PDK2: variants seen among roughly 807,000 people sequenced by gnomAD.
PDK2 encodes the protein pyruvate dehydrogenase kinase 2, also known as pyruvate dehydrogenase kinase, isozyme 2.
A neutral mutation model predicts 50.4 loss-of-function variants in PDK2; 34 were observed. The observed-to-expected ratio is 0.68, with a 90% CI of 0.51 to 0.90. PDK2 has a LOEUF of 0.90. Among genes scored for constraint, PDK2 ranks in the 40% least tolerant of loss-of-function variants. The probability of loss-of-function intolerance (pLI) is 0.00; values close to 1 mark genes in which losing one functional copy is unlikely to be tolerated. For synonymous variants in PDK2, 232 were observed against 216.0 expected (o/e 1.07, Z -0.65); for missense variants, 377 against 544.5 (o/e 0.69, Z 3.06).
intron 2 of PDK2, among the ~76,000 whole-genome samples, chr17:50,103,876 G>T (rs1910361282): frequency 6.6e-6 from 1 of 152,108 alleles, no homozygotes; most frequent in African/African-American, 2.4e-5. Flanking sequence ...CGCCTCCCTG[G>T]GGGAGGCTGT....
At position 50,108,412 on chromosome 17, in the gene PDK2, A is replaced by G. The variant is rs770323108; in HGVS notation, c.856A>G (p.Ile286Val). ...MVALGEEDLS[I>V]KMSDRGGGVP... ...GGCCTTGGGTGAGGAAGATCTGTCCATCAAGGTATGTGACCCTTTGACCTT... is the reference window on the plus strand; with the variant it reads ...GGCCTTGGGTGAGGAAGATCTGTCCGTCAAGGTATGTGACCCTTTGACCTT... Residue 286 changes from isoleucine (I) to valine (V), a missense_variant, in exon 8 of 11, where the codon ATC becomes GTC. Ile to Val is a conservative substitution (Grantham distance 29). Around this residue, in one of 3 missense-constraint regions of PDK2, gnomAD observed 214 missense variants for 294.0 expected, o/e 0.73. Coordinates refer to ENST00000503176, the MANE Select transcript of PDK2 (RefSeq NM_002611.5). The G allele has an allele frequency of 4.2e-5, 67 of 1,612,044 alleles. 2 individuals are homozygous for G. In the Middle Eastern group the frequency reaches 3.0e-3, roughly 71 times the overall value.
chr17:50,108,027 G>A, intron 6 of PDK2, 129 bp from the exon 7 acceptor site: 1 of 714,934 alleles, frequency 1.4e-6, no homozygotes. Flanking sequence ...AGGGAGGCTG[G>A]GGATTTAGTC....
rs1269710316 is a variant in PDK2 at position 50,111,713 on chromosome 17, A to C, written c.*1616A>C. The C allele has an allele frequency of 6.6e-6, 1 of 152,304 alleles. No homozygotes were observed. Among genetic ancestry groups the C allele is most frequent in the Non-Finnish European group, 1.5e-5 (1 of 68,104 alleles). The allele number at this position is 152,304 out of a possible 1,614,324, so 9.4% of individuals were successfully genotyped here. ...TGACCAGTGTCCTGGAAGCGGGACT[A>C]GCTGCTGACCAGCGCCACACATGAA... On this transcript the variant is annotated 3_prime_UTR_variant, in exon 11 of 11. Coordinates refer to ENST00000503176, the MANE Select transcript of PDK2 (RefSeq NM_002611.5).
chr17:50,107,437 C>A (rs140973602), intron 6 of PDK2, among the ~76,000 whole-genome samples: 1 of 152,010 alleles, frequency 6.6e-6, no homozygotes, highest in African/African-American at 2.4e-5. Context: ...AAAAATTAGC[C>A]GGGCATGATG....
In PDK2 at chr17:50,108,091, G is replaced by T. The variant is rs1910611379; in HGVS notation, c.686-65G>T. On this transcript the variant is annotated intron_variant, in intron 6 of 10. Coordinates refer to ENST00000503176, the MANE Select transcript of PDK2 (RefSeq NM_002611.5). ...TTTGTGGGAGGGGGTGCCTCCTTTG[G>T]GTAAGGTGGTTGAGCAGTGACCTCC... 3.7e-6 allele frequency: 5 copies of T among 1,369,522 alleles called. No individual in the cohort carries two copies. In the South Asian group the frequency reaches 6.2e-5, roughly 17 times the overall value. The allele number at this position is 1,369,522 out of a possible 1,614,324, so 84.8% of individuals were successfully genotyped here. A position where few individuals can be genotyped will look rare whatever the true frequency, so the allele number is the denominator to read the frequency against.
At chr17:50,106,771 G>A in intron 4 of PDK2, 23 bp from the exon 5 acceptor site, 1 of 1,605,214 alleles carries the variant, frequency 6.2e-7, no homozygotes, top group Non-Finnish European at 8.5e-7. Flanking sequence ...CCAGCCAACA[G>A]CATCCTCCCT....
At chr17:50,108,760 A>G in intron 9 of PDK2, 41 bp downstream of exon 9, 1 of 1,205,190 alleles carries the variant, frequency 8.3e-7, no homozygotes, top group Non-Finnish European at 1.2e-6. Context: ...CTCCTGAGGG[A>G]GGCTTCTCTC....
In PDK2 at chr17:50,110,862, C is replaced by T. The variant is rs1910794133; in HGVS notation, c.*765C>T. The T allele has an allele frequency of 6.6e-6, 1 of 152,514 alleles. No homozygotes were observed. The highest frequency in any genetic ancestry group is 1.5e-5 in the Non-Finnish European group (1 of 68,228). 9.4% of individuals were successfully genotyped at this position (152,514 alleles called of 1,614,324 possible). On this transcript the variant is annotated 3_prime_UTR_variant, in exon 11 of 11. Transcript: ENST00000503176. ...TCCATCCTGCCTGAGCTCCAGCCCC[C>T]AGCCCCCACTGTGCCCAGACATGTG...
At chr17:50,100,031 T>C (rs940018595) in intron 2 of PDK2, among the ~76,000 whole-genome samples, 5 of 152,150 alleles carry the variant, frequency 3.3e-5, no homozygotes, top group African/African-American at 1.2e-4. Context: ...GCTGGAATGA[T>C]GGAGATGGGC....
chr17:50,099,077 C>A (rs1288553695), intron 2 of PDK2, among the ~76,000 whole-genome samples: 1 of 151,914 alleles, frequency 6.6e-6, no homozygotes, highest in African/African-American at 2.4e-5. Flanking sequence ...CCAGGTCACC[C>A]CTTGCTGTGC....
Position 50,108,147 on chromosome 17 carries a change from G to T in PDK2, c.686-9G>T. 6.3e-7 allele frequency: 1 copy of T among 1,584,924 alleles called. No individual in the cohort carries two copies. Among genetic ancestry groups the T allele is most frequent in the Non-Finnish European group, 8.6e-7 (1 of 1,163,570 alleles). On this transcript the variant is annotated splice_polypyrimidine_tract_variant and intron_variant, in intron 6 of 10. Coordinates refer to ENST00000503176, the MANE Select transcript of PDK2 (RefSeq NM_002611.5). ...GTTTCCTGACCCTTGGTCTTGACTT[G>T]CCCTGTAGCAGCCAACTCCAAACAG...
Position 50,110,070 on chromosome 17 carries a change from G to T in PDK2, c.1197G>T (p.Lys399Asn). Reference protein sequence around the residue: ...GDWCVPSTEPKNTSTYRVS With the variant: ...GDWCVPSTEPNNTSTYRVS ...GGTGTGTGCCCAGCACGGAGCCCAA[G>T]AACACGTCCACGTACCGCGTCAGCT... The change falls in exon 11 of 11, where the codon AAG becomes AAT. Residue 399 changes from lysine (K) to asparagine (N), a missense_variant. This residue lies in a region of PDK2 where 214 missense variants were observed against 294.0 expected (regional missense o/e 0.73). Coordinates refer to ENST00000503176, the MANE Select transcript of PDK2 (RefSeq NM_002611.5). The T allele has an allele frequency of 1.2e-6, 2 of 1,611,108 alleles. No homozygotes were observed. Among genetic ancestry groups the T allele is most frequent in the Middle Eastern group, 3.3e-4 (2 of 6,014 alleles).
In PDK2 at chr17:50,097,464, A is replaced by C. The variant is rs1174414925; in HGVS notation, c.160A>C (p.Arg54=). The C allele has an allele frequency of 6.2e-7, 1 of 1,613,942 alleles. No homozygotes were observed. The highest frequency in any genetic ancestry group is 1.7e-5 in the Admixed American group (1 of 60,024). Residue 54 remains arginine, a synonymous_variant, in exon 2 of 11, where the codon AGG becomes CGG. Coordinates refer to ENST00000503176, the MANE Select transcript of PDK2 (RefSeq NM_002611.5). ...TGAGAAAACCTCCTTCACCTTCCTCAGGCAGGAGCTGCCTGTGCGCCTGGC... is the reference window on the plus strand; with the variant it reads ...TGAGAAAACCTCCTTCACCTTCCTCCGGCAGGAGCTGCCTGTGCGCCTGGC... The part of the protein sequence containing the change: ...ACEKTSFTFL[R]QELPVRLANI...
rs1485770299 is a variant in PDK2, at chr17:50,111,414, G to A, written c.*1317G>A. On this transcript the variant is annotated 3_prime_UTR_variant, in exon 11 of 11. Coordinates refer to ENST00000503176, the MANE Select transcript of PDK2 (RefSeq NM_002611.5). The stretch of plus-strand genomic sequence containing the variant: ...TATAGCTACTGATGGCTTTAAGGAT[G>A]TGGGTGCCTTCCAACCTCCCATGGC... The A allele has an allele frequency of 6.6e-6, 1 of 152,264 alleles. No individual in the cohort carries two copies. Among genetic ancestry groups the A allele is most frequent in the Non-Finnish European group, 1.5e-5 (1 of 68,072 alleles). 9.4% of individuals were successfully genotyped at this position (152,264 alleles called of 1,614,324 possible).
chr17:50,106,736 AG>A (rs1365633297), intron 4 of PDK2, 57 bp from the exon 5 acceptor site: 5 of 1,396,956 alleles, frequency 3.6e-6, no homozygotes, highest in African/African-American at 1.4e-5. Context: ...CCGGGGGAAG[AG>A]GGAGCGCTGG....
In PDK2 at chr17:50,109,940, AC is replaced by A. The variant is rs769389777; in HGVS notation, c.1084-14del. On this transcript the variant is annotated splice_polypyrimidine_tract_variant and intron_variant, in intron 10 of 10. Coordinates refer to ENST00000503176, the MANE Select transcript of PDK2 (RefSeq NM_002611.5). This position sits in a 1 kb window ranked among gnomAD's most constrained non-coding sequence, Gnocchi z 5.0. ...AGGCACAGGGAGGTGGGAGGGGCTGACCCTGACACTCCCCAGGCCCTGTCCA... is the reference window on the plus strand; with the variant it reads ...AGGCACAGGGAGGTGGGAGGGGCTGACCTGACACTCCCCAGGCCCTGTCCA... The A allele has an allele frequency of 2.3e-5, 35 of 1,520,870 alleles. No individual in the cohort carries two copies. Among genetic ancestry groups the A allele is most frequent in the Middle Eastern group, 3.9e-4 (2 of 5,068 alleles). The allele number at this position is 1,520,870 out of a possible 1,614,324, so 94.2% of individuals were successfully genotyped here.
intron 2 of PDK2, 41 bp downstream of exon 2, chr17:50,097,605 G>A (rs1480992203): frequency 2.5e-6 from 4 of 1,603,006 alleles, no homozygotes; most frequent in Admixed American, 1.7e-5. Flanking sequence ...CCACTCCATC[G>A]CCAGTGTCCC....
intron 1 of PDK2, 197 bp downstream of exon 1, chr17:50,095,750 G>A: frequency 7.1e-7 from 1 of 1,413,578 alleles, no homozygotes; most frequent in Non-Finnish European, 9.2e-7. Context: ...GATGGGAATG[G>A]GGGGCATTTA....
rs980620554 is a variant in PDK2, at chr17:50,101,560, G to T, written c.261-3811G>T. On this transcript the variant is annotated intron_variant, in intron 2 of 10. Coordinates refer to ENST00000503176, the MANE Select transcript of PDK2 (RefSeq NM_002611.5). The surrounding 1 kb of genome is among the most constrained non-coding windows in gnomAD (Gnocchi z 4.2). ...CCTGCTCCCCAGCAGCTGTGGATAC[G>T]AGTGCACAGGGCACACCCTCGCACA... Among the ~76,000 whole-genome samples the T allele has an allele frequency of 6.6e-6, 1 of 151,842 alleles. No homozygotes were observed. Among genetic ancestry groups the T allele is most frequent in the Admixed American group, 6.5e-5 (1 of 15,272 alleles).
Sources: gnomAD v4.1 joint callset for allele counts (sites outside exome capture counted in the v4.1 genomes callset) on GRCh38, gnomAD v4.1.1 for gene constraint, gnomAD v4.1.1 regional missense constraint, Gnocchi (gnomAD v3.1) non-coding constraint, MANE v1.5 for transcripts, NCBI Gene and HGNC (gene_info 2026-07-23, HGNC 2026-07-21) for gene names.